OSBPL1A: variants seen among roughly 807,000 people sequenced by gnomAD.
OSBPL1A encodes the protein oxysterol binding protein like 1A.
Under a neutral mutation model 137.1 loss-of-function variants are expected in OSBPL1A, and 80 were observed. The ratio of observed to expected loss-of-function variants is 0.58; its 90% CI spans 0.49 to 0.70. The LOEUF (loss-of-function observed/expected upper bound fraction) is 0.70, where lower values mean the gene tolerates loss of function less well. Among genes scored for constraint, OSBPL1A ranks in the 30% least tolerant of loss-of-function variants. OSBPL1A has a pLI of 0.00. For missense variants in OSBPL1A, 970 were observed against 1,129.4 expected (o/e 0.86, Z 2.02); for synonymous variants, 365 against 389.7 (o/e 0.94, Z 0.75).
rs572759717 is a variant in OSBPL1A at position 24,341,074 on chromosome 18, C to A, written c.394+473G>T. On this transcript the variant is annotated intron_variant, in intron 5 of 27. Transcript: ENST00000319481. ...ACAGTAGCTCAATCAGGGTTCATTG[C>A]AGCCTCAAACTCCTAGGCTCAAACA... Among the ~76,000 whole-genome samples the A allele has an allele frequency of 3.9e-5, 6 of 152,318 alleles. No individual in the cohort carries two copies. The South Asian group carries it at 1.2e-3, about 32-fold the overall frequency.
chr18:24,389,965 A>C (rs1288783622), intron 1 of OSBPL1A, among the ~76,000 whole-genome samples: 2 of 152,126 alleles, frequency 1.3e-5, no homozygotes, highest in African/African-American at 2.4e-5. Context: ...AAAATAAAAT[A>C]AAATCTATAG....
At chr18:24,252,316 A>G (rs1254134731) in intron 15 of OSBPL1A, among the ~76,000 whole-genome samples, 3 of 152,188 alleles carry the variant, frequency 2.0e-5, no homozygotes, top group Non-Finnish European at 4.4e-5. Context: ...AGAATCCCAA[A>G]AGCAGCAAGA....
chr18:24,248,152 T>G (rs2146022777), intron 15 of OSBPL1A, among the ~76,000 whole-genome samples: 1 of 152,304 alleles, frequency 6.6e-6, no homozygotes, highest in East Asian at 1.9e-4. Flanking sequence ...GATGAGTACG[T>G]GTAACCAAGT....
At chr18:24,320,168 T>A in intron 7 of OSBPL1A, among the ~76,000 whole-genome samples, 1 of 152,014 alleles carries the variant, frequency 6.6e-6, no homozygotes, top group Non-Finnish European at 1.5e-5. Flanking sequence ...GTTGGCAATT[T>A]TTTTGTATGA....
Position 24,226,678 on chromosome 18 carries a change from G to T in OSBPL1A, c.1445-1480C>A, listed in dbSNP as rs1026446894. On this transcript the variant is annotated intron_variant, in intron 16 of 27. Coordinates refer to ENST00000319481, the MANE Select transcript of OSBPL1A (RefSeq NM_080597.4). ...CAGAACCTTACTGTTACCACATTAGGCTGACTTAGGAGAACGACGGTTGGA... is the reference window on the plus strand; with the variant it reads ...CAGAACCTTACTGTTACCACATTAGTCTGACTTAGGAGAACGACGGTTGGA... 5.9e-5 allele frequency among the ~76,000 whole-genome samples: 9 copies of T among 152,206 alleles called. No homozygotes were observed. The South Asian group carries it at 6.2e-4, about 11-fold the overall frequency.
intron 16 of OSBPL1A, among the ~76,000 whole-genome samples, chr18:24,227,965 G>C (rs2088140667): frequency 6.6e-6 from 1 of 152,102 alleles, no homozygotes; most frequent in South Asian, 2.1e-4. Flanking sequence ...ATAAGGCAGG[G>C]ACTTACCCAC....
At position 24,334,234 on chromosome 18, in the gene OSBPL1A, G is replaced by A; in HGVS notation, c.480+11C>T. The A allele has an allele frequency of 1.9e-6, 3 of 1,590,382 alleles. No homozygotes were observed. Among genetic ancestry groups the A allele is most frequent in the Non-Finnish European group, 2.6e-6 (3 of 1,173,412 alleles). ...GCTTTTTGTCTTTTGGGGGTTTTTT[G>A]TTTGTTTTACCAGAGCTGTGAGTTC... On this transcript the variant is annotated intron_variant, in intron 6 of 27. Coordinates refer to ENST00000319481, the MANE Select transcript of OSBPL1A (RefSeq NM_080597.4).
At chr18:24,208,288 T>C (rs1363962693) in intron 17 of OSBPL1A, among the ~76,000 whole-genome samples, 2 of 152,210 alleles carry the variant, frequency 1.3e-5, no homozygotes, top group African/African-American at 4.8e-5. Context: ...ATAATCTTGC[T>C]TGAAAAAAAT....
At chr18:24,360,315 G>T (rs1297126657) in intron 4 of OSBPL1A, among the ~76,000 whole-genome samples, 1 of 152,144 alleles carries the variant, frequency 6.6e-6, no homozygotes. Context: ...AGAGTTTAAA[G>T]TGCTTTATAA....
At chr18:24,341,055 G>C (rs2091266209) in intron 5 of OSBPL1A, among the ~76,000 whole-genome samples, 1 of 152,150 alleles carries the variant, frequency 6.6e-6, no homozygotes, top group Admixed American at 6.5e-5. Context: ...AAGTACAGTA[G>C]CTCAATCAGG....
intron 17 of OSBPL1A, among the ~76,000 whole-genome samples, chr18:24,223,861 G>C (rs990425547): frequency 7.2e-5 from 11 of 152,206 alleles, no homozygotes; most frequent in Admixed American, 4.6e-4. Context: ...TCATCAGACT[G>C]GCATGGTGTA....
chr18:24,301,068 G>C (rs1249701735), intron 14 of OSBPL1A, among the ~76,000 whole-genome samples: 3 of 152,188 alleles, frequency 2.0e-5, no homozygotes, highest in Non-Finnish European at 4.4e-5. Flanking sequence ...GTAAGGGCAG[G>C]CTCAATTACA....
chr18:24,340,981 A>AT (rs2091264980), intron 5 of OSBPL1A, among the ~76,000 whole-genome samples: 2 of 151,804 alleles, frequency 1.3e-5, no homozygotes, highest in South Asian at 2.1e-4. Context: ...AAAAACAGAT[A>AT]TTTTTTCTGA....
At chr18:24,301,259 T>C (rs2090395408) in intron 14 of OSBPL1A, 1 of 152,258 alleles carries the variant, frequency 6.6e-6, no homozygotes, top group South Asian at 2.1e-4. Flanking sequence ...GGATTAATTA[T>C]CTGCTCAATC....
At chr18:24,336,935 C>G (rs529113238) in intron 5 of OSBPL1A, among the ~76,000 whole-genome samples, 1 of 152,276 alleles carries the variant, frequency 6.6e-6, no homozygotes. Flanking sequence ...TTTACTTTGT[C>G]TCAGTTTTTC....
intron 16 of OSBPL1A, among the ~76,000 whole-genome samples, chr18:24,236,532 C>T (rs1201191401): frequency 2.0e-5 from 3 of 152,182 alleles, no homozygotes; most frequent in Admixed American, 6.5e-5. Flanking sequence ...AGTTTCTACA[C>T]TGTGCCAAAT....
intron 4 of OSBPL1A, among the ~76,000 whole-genome samples, chr18:24,352,923 G>T (rs1030905722): frequency 6.6e-6 from 1 of 152,136 alleles, no homozygotes; most frequent in Non-Finnish European, 1.5e-5. Flanking sequence ...ATTCAAGATG[G>T]ATTAAAGACT....
intron 11 of OSBPL1A, among the ~76,000 whole-genome samples, chr18:24,315,799 GTATATATTATATAATAAAATATATAA>G (rs1568021737): frequency 1.5e-5 from 1 of 67,782 alleles, no homozygotes; most frequent in African/African-American, 7.6e-5. Context: ...ATAATATATA[GTATATATTATATAATAAAATATATAA>G]TATATAGTAT....
chr18:24,200,399 T>G (rs546894844), intron 17 of OSBPL1A, among the ~76,000 whole-genome samples: 1 of 151,778 alleles, frequency 6.6e-6, no homozygotes, highest in Non-Finnish European at 1.5e-5. Flanking sequence ...CTGTCTCTAC[T>G]AAAAAATACA....
Sources: gnomAD v4.1 joint callset for allele counts (sites outside exome capture counted in the v4.1 genomes callset) on GRCh38, gnomAD v4.1.1 for gene constraint, MANE v1.5 for transcripts, NCBI Gene and HGNC (gene_info 2026-07-23, HGNC 2026-07-21) for gene names.